PLCG2: variants seen among roughly 807,000 people sequenced by gnomAD.
PLCG2 encodes the protein phospholipase C gamma 2, also known as 1-phosphatidylinositol 4,5-bisphosphate phosphodiesterase gamma-2.
PLCG2 carries 69 observed loss-of-function variants against 175.6 expected under a neutral mutation model. That is an observed-to-expected ratio of 0.39 (90% confidence interval 0.32 to 0.48). PLCG2 has a LOEUF of 0.48. Among genes scored for constraint, PLCG2 ranks in the 20% least tolerant of loss-of-function variants. The pLI, the probability that PLCG2 is intolerant of heterozygous loss-of-function variation, is 0.91. For synonymous variants in PLCG2, 827 were observed against 624.0 expected, an observed-to-expected ratio of 1.33 and a Z score of -4.85; for missense variants, 1,798 against 1,650.9, an observed-to-expected ratio of 1.09 and a Z score of -1.54.
At chr16:81,807,639 G>A (rs989672935) in intron 2 of PLCG2, among the ~76,000 whole-genome samples, 1 of 152,162 alleles carries the variant, frequency 6.6e-6, no homozygotes, top group Non-Finnish European at 1.5e-5. Context: ...TTTTACAGAT[G>A]AGAACATTGA....
At chr16:81,837,980 C>A (rs1299210455) in intron 2 of PLCG2, among the ~76,000 whole-genome samples, 1 of 152,182 alleles carries the variant, frequency 6.6e-6, no homozygotes, top group African/African-American at 2.4e-5. Flanking sequence ...TGCATAGCAT[C>A]CTATATCTGC....
intron 1 of PLCG2, among the ~76,000 whole-genome samples, chr16:81,780,699 A>C (rs1157577748): frequency 2.0e-5 from 3 of 152,204 alleles, no homozygotes; most frequent in Admixed American, 6.5e-5. Context: ...CATTGGGTAG[A>C]GTCAATGAAA....
chr16:81,763,690 G>A (rs1274423348), intron 2 of PLCG2, among the ~76,000 whole-genome samples: 2 of 152,222 alleles, frequency 1.3e-5, no homozygotes, highest in Non-Finnish European at 2.9e-5. Context: ...AAGGGGGCCG[G>A]GTGTGGTGGC....
intron 31 of PLCG2, among the ~76,000 whole-genome samples, 165 bp from the exon 32 acceptor site, chr16:81,956,530 T>A (rs1380237065): frequency 6.6e-6 from 1 of 152,158 alleles, no homozygotes; most frequent in Non-Finnish European, 1.5e-5. Context: ...ATAATTGTGT[T>A]TTATCTTTCT....
At chr16:81,837,318 G>T (rs1293151031) in intron 2 of PLCG2, among the ~76,000 whole-genome samples, 1 of 152,184 alleles carries the variant, frequency 6.6e-6, no homozygotes, top group Non-Finnish European at 1.5e-5. Flanking sequence ...TAGGAATTGT[G>T]GTCCCAGCTG....
upstream of PLCG2, among the ~76,000 whole-genome samples, chr16:81,776,999 A>G (rs1485145678): frequency 6.6e-6 from 1 of 152,220 alleles, no homozygotes; most frequent in African/African-American, 2.4e-5. Context: ...AAATGAGCCA[A>G]AGAAGAAAAT....
chr16:81,907,602 G>A (rs976375769), intron 15 of PLCG2, 83 bp from the exon 16 acceptor site: 5 of 849,448 alleles, frequency 5.9e-6, no homozygotes, highest in Admixed American at 1.9e-5. Flanking sequence ...TAGATGCTGG[G>A]GTGACGCCCT....
intron 2 of PLCG2, among the ~76,000 whole-genome samples, chr16:81,834,981 G>T (rs1182052073): frequency 6.6e-6 from 1 of 152,120 alleles, no homozygotes; most frequent in East Asian, 1.9e-4. Context: ...GACCCTGTGG[G>T]CAGGGGAAAG....
At chr16:81,897,283 A>G (rs1483024277) in intron 13 of PLCG2, among the ~76,000 whole-genome samples, 2 of 152,252 alleles carry the variant, frequency 1.3e-5, no homozygotes, top group Admixed American at 6.5e-5. Context: ...GGGGTAGAAT[A>G]GCAGTTACGA....
At chr16:81,811,481 CTT>C (rs1250195018) in intron 2 of PLCG2, among the ~76,000 whole-genome samples, 2 of 151,944 alleles carry the variant, frequency 1.3e-5, no homozygotes, top group East Asian at 3.9e-4. Context: ...TTTCTTTTTT[CTT>C]TTTTTAGGTA....
intron 1 of PLCG2, among the ~76,000 whole-genome samples, chr16:81,755,103 G>T (rs1405186955): frequency 1.3e-5 from 2 of 152,162 alleles, no homozygotes; most frequent in African/African-American, 4.8e-5. Flanking sequence ...GATGAGTTCA[G>T]TCTTAGCAAG....
intron 2 of PLCG2, among the ~76,000 whole-genome samples, chr16:81,790,803 C>T (rs563793348): frequency 6.6e-6 from 1 of 152,200 alleles, no homozygotes; most frequent in Admixed American, 6.5e-5. Context: ...GGGCATTTGG[C>T]AAAGTCTGGA....
chr16:81,930,255 T>A (rs1158015037), intron 24 of PLCG2, among the ~76,000 whole-genome samples: 1 of 152,204 alleles, frequency 6.6e-6, no homozygotes, highest in Non-Finnish European at 1.5e-5. Flanking sequence ...AAATCTTAGC[T>A]ACTAATATTA....
chr16:81,868,846 A>G (rs942866269), intron 5 of PLCG2, among the ~76,000 whole-genome samples: 1 of 152,116 alleles, frequency 6.6e-6, no homozygotes, highest in African/African-American at 2.4e-5. Flanking sequence ...CTGGGACATC[A>G]CCCTATACTG....
At position 81,782,870 on chromosome 16, in the gene PLCG2, G is replaced by C. The variant is rs566184025; in HGVS notation, c.-47-3073G>C. Among the ~76,000 whole-genome samples, 13 of 152,332 alleles carry C rather than the reference G, an allele frequency of 8.5e-5. No homozygotes were observed. In the South Asian group the frequency reaches 2.3e-3, roughly 27 times the overall value. On this transcript the variant is annotated intron_variant, in intron 1 of 32. Transcript: ENST00000564138. ...ACCCTGCAGCATCAGAGGGGATACA[G>C]TGTTTTCAAAGGAACGGTGTCAGCC... is the stretch of plus-strand genomic sequence containing the variant.
At chr16:81,762,623 G>A (rs553356479) in intron 2 of PLCG2, among the ~76,000 whole-genome samples, 1 of 151,998 alleles carries the variant, frequency 6.6e-6, no homozygotes, top group South Asian at 2.1e-4. Flanking sequence ...ATAAGGAACA[G>A]AGTCCTATAG....
At chr16:81,811,633 T>A (rs961378755) in intron 2 of PLCG2, among the ~76,000 whole-genome samples, 3 of 152,114 alleles carry the variant, frequency 2.0e-5, no homozygotes, top group African/African-American at 7.2e-5. Flanking sequence ...GGTTTCCTGT[T>A]CTTGTGTTAG....
intron 2 of PLCG2, among the ~76,000 whole-genome samples, chr16:81,848,294 G>T (rs1906226975): frequency 1.3e-5 from 2 of 152,158 alleles, no homozygotes; most frequent in African/African-American, 4.8e-5. Flanking sequence ...GCAAGAGAGG[G>T]GTGTTCAGGA....
chr16:81,754,416 C>T, intron 1 of PLCG2, among the ~76,000 whole-genome samples: 1 of 3,006 alleles, frequency 3.3e-4, no homozygotes, highest in East Asian at 0.011. Flanking sequence ...TCCCCACCTC[C>T]TCCCCACCCC....
Sources: allele counts gnomAD v4.1 joint callset (sites outside exome capture counted in the v4.1 genomes callset), GRCh38; gene constraint gnomAD v4.1.1; transcripts MANE v1.5; gene names NCBI Gene and HGNC (gene_info 2026-07-23, HGNC 2026-07-21).